The following GUF1 variants were observed in gnomAD, a reference collection of about 807,000 sequenced individuals.
The protein encoded by GUF1 is GTP binding elongation factor GUF1.
A neutral mutation model predicts 82.4 loss-of-function variants in GUF1; 78 were observed. The ratio of observed to expected loss-of-function variants is 0.95; its 90% CI spans 0.79 to 1.14. The LOEUF (loss-of-function observed/expected upper bound fraction) is 1.14, where lower values mean the gene tolerates loss of function less well. Among genes scored for constraint, GUF1 ranks in the 50% most tolerant of loss-of-function variants. GUF1 has a pLI of 0.00. For missense variants in GUF1, 814 were observed against 798.2 expected, an observed-to-expected ratio of 1.02 and a Z score of -0.24; for synonymous variants, 279 against 282.3, an observed-to-expected ratio of 0.99 and a Z score of 0.12.
In GUF1 at chr4:44,698,624, C is replaced by T. The variant is rs183888731; in HGVS notation, c.1953C>T (p.Asn651=). The T allele has an allele frequency of 2.9e-5, 47 of 1,609,368 alleles. No homozygotes were observed. The African/African-American group carries it at 4.0e-4, about 14-fold the overall frequency. Residue 651 remains asparagine (N), a synonymous_variant, in exon 17 of 17, where the codon AAC becomes AAT. Coordinates refer to ENST00000281543, the MANE Select transcript of GUF1 (RefSeq NM_021927.3). ...AAAAAAAGCTGAGGAAAATTGGCAA[C>T]GTTGAAGTTCCAAAAGATGCTTTTA... is the stretch of plus-strand genomic sequence containing the variant. The part of the protein sequence containing the change: ...EGKKKLRKIG[N]VEVPKDAFIK...
rs745858987 is a variant in GUF1, at chr4:44,691,790, G to T, written c.1604G>T (p.Gly535Val). The T allele has an allele frequency of 5.1e-6, 8 of 1,581,562 alleles. No individual in the cohort carries two copies. Among genetic ancestry groups the T allele is most frequent in the South Asian group, 1.2e-5 (1 of 85,816 alleles). Residue 535 changes from glycine (G) to valine (V), a missense_variant, in exon 13 of 17, where the codon GGA becomes GTA. Transcript: ENST00000281543. ...FYDSLKSLSS[G>V]YASFDYEDAG... ...GACTCTTTGAAATCCCTATCTTCTG[G>T]ATATGCTAGGTAAAAAAATAATGAG...
In GUF1 at chr4:44,680,892, A is replaced by C. The variant is rs747960158; in HGVS notation, c.426+50A>C. 2.7e-6 allele frequency: 4 copies of C among 1,463,748 alleles called. No homozygotes were observed. The Admixed American group carries it at 7.3e-5, about 27-fold the overall frequency. 90.7% of individuals were successfully genotyped at this position (1,463,748 alleles called of 1,614,324 possible). Reference sequence around the variant, plus strand: ...GTATTGTTAAAGTCAACATTGTGTCAGTAGTGCAAACAGATCCTTGTTTAA... The same window carrying C: ...GTATTGTTAAAGTCAACATTGTGTCCGTAGTGCAAACAGATCCTTGTTTAA... On this transcript the variant is annotated intron_variant, in intron 3 of 16. Coordinates refer to ENST00000281543, the MANE Select transcript of GUF1 (RefSeq NM_021927.3).
rs1248019630 is a variant in GUF1, at chr4:44,700,216, C to G, written c.*1535C>G. The G allele has an allele frequency of 6.6e-6, 1 of 152,176 alleles. No individual in the cohort carries two copies. The highest frequency in any genetic ancestry group is 1.5e-5 in the Non-Finnish European group (1 of 68,024). 9.4% of individuals were successfully genotyped at this position (152,176 alleles called of 1,614,324 possible). The stretch of plus-strand genomic sequence containing the variant: ...CAAGCTGGGAACTGATTGAGGCAAA[C>G]CTGCCTCCCATTTTATTCCTAAATA... On this transcript the variant is annotated 3_prime_UTR_variant, in exon 17 of 17. Coordinates refer to ENST00000281543, the MANE Select transcript of GUF1 (RefSeq NM_021927.3).
rs371507780 is a variant in GUF1 at position 44,694,355 on chromosome 4, A to G, written c.1614-57A>G. On this transcript the variant is annotated intron_variant, in intron 13 of 16. Coordinates refer to ENST00000281543, the MANE Select transcript of GUF1 (RefSeq NM_021927.3). Reference sequence around the variant, plus strand: ...GACATTTAGTAAAGAGTAAAGAGTAATAAAGGTAATCTCTCAGGAAGTGTA... The same window carrying G: ...GACATTTAGTAAAGAGTAAAGAGTAGTAAAGGTAATCTCTCAGGAAGTGTA... 2.1e-5 allele frequency: 21 copies of G among 995,606 alleles called. No individual in the cohort carries two copies. The African/African-American group carries it at 3.2e-4, about 15-fold the overall frequency. The allele number at this position is 995,606 out of a possible 1,614,324, so 61.7% of individuals were successfully genotyped here. A position where few individuals can be genotyped will look rare whatever the true frequency, so the allele number is the denominator to read the frequency against.
intron 15 of GUF1, among the ~76,000 whole-genome samples, chr4:44,696,061 A>AT (rs1715801714): frequency 6.9e-6 from 1 of 144,506 alleles, no homozygotes; most frequent in Non-Finnish European, 1.5e-5. Context: ...TAGATTATAG[A>AT]TTAATAGAAA....
chr4:44,681,151 C>T lies in GUF1; in HGVS notation c.455C>T (p.Ser152Phe), dbSNP rs763412255. The part of the protein sequence containing the change: ...PGHVDFSYEV[S>F]RSLSACQGVL... ...CATGTTGATTTTAGTTATGAAGTAT[C>T]CAGGTCACTTTCTGCTTGCCAGGGT... is the stretch of plus-strand genomic sequence containing the variant. The change falls in exon 4 of 17, where the codon TCC becomes TTC. Residue 152 changes from serine (S) to phenylalanine (F), a missense_variant. Transcript: ENST00000281543. 1.2e-6 allele frequency: 2 copies of T among 1,612,938 alleles called. No homozygotes were observed. Among genetic ancestry groups the T allele is most frequent in the Non-Finnish European group, 8.5e-7 (1 of 1,179,288 alleles).
In GUF1 at chr4:44,689,615, G is replaced by A. The variant is rs571796662; in HGVS notation, c.1202+206G>A. 1.1e-4 allele frequency among the ~76,000 whole-genome samples: 17 copies of A among 151,734 alleles called. No individual in the cohort carries two copies. The South Asian group carries it at 2.7e-3, about 24-fold the overall frequency. ...AACAATTTTTATCTGCCTGTTTCAC[G>A]TTGCGGATTGACATTTTATGGGTAA... is the stretch of plus-strand genomic sequence containing the variant. On this transcript the variant is annotated intron_variant, in intron 10 of 16. Coordinates refer to ENST00000281543, the MANE Select transcript of GUF1 (RefSeq NM_021927.3).
Position 44,681,174 on chromosome 4 carries a change from G to C in GUF1, c.478G>C (p.Gly160Arg). ...EVSRSLSACQ[G>R]VLLVVDANEG... ...ATCCAGGTCACTTTCTGCTTGCCAGGGTGTTTTACTTGTGGTTGATGCAAA... is the reference window on the plus strand; with the variant it reads ...ATCCAGGTCACTTTCTGCTTGCCAGCGTGTTTTACTTGTGGTTGATGCAAA... The change falls in exon 4 of 17, where the codon GGT (glycine) becomes CGT (arginine). Residue 160 changes from glycine (G) to arginine (R), a missense_variant. Coordinates refer to ENST00000281543, the MANE Select transcript of GUF1 (RefSeq NM_021927.3). 1 of 1,612,836 alleles carries C rather than the reference G, an allele frequency of 6.2e-7. No homozygotes were observed. The highest frequency in any genetic ancestry group is 2.2e-5 in the East Asian group (1 of 44,762).
At chr4:44,690,520 TTCTTTTGTCATAC>T (rs1715364814) in intron 11 of GUF1, among the ~76,000 whole-genome samples, 184 bp from the exon 12 acceptor site, 1 of 151,802 alleles carries the variant, frequency 6.6e-6, no homozygotes, top group African/African-American at 2.4e-5. Context: ...TTAAAGTGTA[TTCTTTTGTCATAC>T]TTCTTCTAAA....
In GUF1 at chr4:44,682,320, CT is replaced by C; in HGVS notation, c.508-12del. ...GAATGGTCATCTCAGTATCTTGTAT[CT>C]TGATATTTTCAGGGAATTCAAGCCC... On this transcript the variant is annotated splice_polypyrimidine_tract_variant and intron_variant, in intron 4 of 16. Transcript: ENST00000281543. 3 of 1,468,882 alleles carry C rather than the reference CT, an allele frequency of 2.0e-6. No homozygotes were observed. The highest frequency in any genetic ancestry group is 2.7e-6 in the Non-Finnish European group (3 of 1,094,488). 91.0% of individuals were successfully genotyped at this position (1,468,882 alleles called of 1,614,324 possible).
At position 44,689,339 on chromosome 4, in the gene GUF1, A is replaced by G. The variant is rs1056818326; in HGVS notation, c.1132A>G (p.Lys378Glu). 1 of 1,610,852 alleles carries G rather than the reference A, an allele frequency of 6.2e-7. No individual in the cohort carries two copies. The highest frequency in any genetic ancestry group is 1.3e-5 in the African/African-American group (1 of 74,754). ...EYNNLKSAIE[K>E]LTLNDSSVTV... ...TAACAATCTGAAGAGTGCTATAGAA[A>G]AACTGACTTTAAATGATTCCAGTGT... The change falls in exon 10 of 17, where the codon AAA (lysine) becomes GAA (glutamate). Residue 378 changes from lysine to glutamate, a missense_variant. Coordinates refer to ENST00000281543, the MANE Select transcript of GUF1 (RefSeq NM_021927.3).
chr4:44,686,736 A>G, intron 8 of GUF1, 23 bp downstream of exon 8: 2 of 1,424,048 alleles, frequency 1.4e-6, no homozygotes, highest in Non-Finnish European at 2.0e-6. Flanking sequence ...CATTAGTAAA[A>G]TTAAAATGCA....
chr4:44,689,257 G>A lies in GUF1; in HGVS notation c.1079-29G>A, dbSNP rs749609123. 43 of 1,537,598 alleles carry A rather than the reference G, an allele frequency of 2.8e-5. 1 individual carries two copies. The highest frequency in any genetic ancestry group is 4.8e-5 in the East Asian group (2 of 41,506). ...GATAGGTCTGTAGGCAGCTTATCACGTGATAATTAGAAATCATTGTATCCC... is the reference window on the plus strand; with the variant it reads ...GATAGGTCTGTAGGCAGCTTATCACATGATAATTAGAAATCATTGTATCCC... On this transcript the variant is annotated intron_variant, in intron 9 of 16. Coordinates refer to ENST00000281543, the MANE Select transcript of GUF1 (RefSeq NM_021927.3).
chr4:44,686,781 C>A, intron 8 of GUF1, 68 bp downstream of exon 8: 1 of 1,033,290 alleles, frequency 9.7e-7, no homozygotes, highest in Non-Finnish European at 1.5e-6. Context: ...TTTTTCTCAA[C>A]TTGGTATGCT....
At chr4:44,683,366 A>G (rs754697075) in intron 6 of GUF1, 48 bp downstream of exon 6, 3 of 1,084,188 alleles carry the variant, frequency 2.8e-6, no homozygotes, top group Admixed American at 2.6e-5. Flanking sequence ...AGTCTCAAGT[A>G]ATTGGGCTAA....
chr4:44,681,622 C>A (rs901335117), intron 4 of GUF1, among the ~76,000 whole-genome samples: 1 of 152,096 alleles, frequency 6.6e-6, no homozygotes, highest in Non-Finnish European at 1.5e-5. Context: ...TTTAAAAAAT[C>A]AGTAACATTA....
At chr4:44,694,661 A>G in intron 14 of GUF1, 148 bp downstream of exon 14, 2 of 594,444 alleles carry the variant, frequency 3.4e-6, no homozygotes, top group South Asian at 4.3e-5. Flanking sequence ...TTTTTTTTCC[A>G]CACTTCTCTC....
chr4:44,690,013 G>C, intron 11 of GUF1, 38 bp downstream of exon 11: 1 of 1,458,444 alleles, frequency 6.9e-7, no homozygotes, highest in Non-Finnish European at 9.2e-7. Flanking sequence ...GTACTGTTTT[G>C]CATTAGTCTC....
rs147146286 is a variant in GUF1, at chr4:44,695,452, C to T, written c.1716-163C>T. On this transcript the variant is annotated intron_variant, in intron 14 of 16. Coordinates refer to ENST00000281543, the MANE Select transcript of GUF1 (RefSeq NM_021927.3). ...GTAATCATACATTACTTTTTTAAAT[C>T]AGAGAAGTTGTTCATGATTCAGAGA... Among the ~76,000 whole-genome samples the T allele has an allele frequency of 2.6e-5, 4 of 152,228 alleles. No individual in the cohort carries two copies. In the East Asian group the frequency reaches 5.8e-4, roughly 22 times the overall value.
Sources: gnomAD v4.1 joint callset for allele counts (sites outside exome capture counted in the v4.1 genomes callset) on GRCh38, gnomAD v4.1.1 for gene constraint, MANE v1.5 for transcripts, NCBI Gene and HGNC (gene_info 2026-07-23, HGNC 2026-07-21) for gene names.